The following CDH12 variants were observed in gnomAD, a reference collection of about 807,000 sequenced individuals.
The protein encoded by CDH12 is cadherin 12, also known as cadherin-12.
In CDH12, 41 loss-of-function variants were observed where a neutral mutation model predicts 74.1. The ratio of observed to expected loss-of-function variants is 0.55; its 90% CI spans 0.43 to 0.72. The LOEUF (loss-of-function observed/expected upper bound fraction) is 0.72, where lower values mean the gene tolerates loss of function less well. CDH12 is among the 30% of genes least tolerant of loss of function. The probability of loss-of-function intolerance (pLI) is 0.00; values close to 1 mark genes in which losing one functional copy is unlikely to be tolerated. For synonymous variants in CDH12, 399 were observed against 355.0 expected (o/e 1.12, Z -1.39); for missense variants, 945 against 977.2 (o/e 0.97, Z 0.44).
intron 1 of CDH12, among the ~76,000 whole-genome samples, chr5:22,740,815 A>C (rs1467160014): frequency 6.6e-6 from 1 of 152,188 alleles, no homozygotes; most frequent in Non-Finnish European, 1.5e-5. Flanking sequence ...AGCTAAGATT[A>C]CCTATAGAAC....
chr5:22,704,157 T>C (rs1742861417), intron 1 of CDH12, among the ~76,000 whole-genome samples: 1 of 152,172 alleles, frequency 6.6e-6, no homozygotes, highest in African/African-American at 2.4e-5. Context: ...TGTAAAAGTT[T>C]TGCAGCTGAG....
intron 14 of CDH12, among the ~76,000 whole-genome samples, chr5:21,753,721 T>C (rs1213741535): frequency 6.6e-6 from 1 of 152,152 alleles, no homozygotes; most frequent in East Asian, 1.9e-4. Flanking sequence ...AAATTCACCA[T>C]GCCTAGAATA....
chr5:22,080,416 A>G (rs1742644167), intron 4 of CDH12, among the ~76,000 whole-genome samples: 1 of 152,210 alleles, frequency 6.6e-6, no homozygotes, highest in Admixed American at 6.5e-5. Context: ...ACCTAAAAAA[A>G]ATAAAATAAA....
intron 1 of CDH12, among the ~76,000 whole-genome samples, chr5:22,812,813 G>A (rs1415288111): frequency 6.6e-6 from 1 of 152,128 alleles, no homozygotes; most frequent in Non-Finnish European, 1.5e-5. Context: ...AGAGAGTGTA[G>A]TAGAAGGTGA....
intron 3 of CDH12, among the ~76,000 whole-genome samples, chr5:22,346,671 T>A (rs2150460403): frequency 6.6e-6 from 1 of 152,326 alleles, no homozygotes; most frequent in African/African-American, 2.4e-5. Context: ...AACACGGTAC[T>A]CACTCCAGAG....
intron 1 of CDH12, among the ~76,000 whole-genome samples, chr5:22,754,659 G>A (rs1745794551): frequency 6.6e-6 from 1 of 151,902 alleles, no homozygotes; most frequent in African/African-American, 2.4e-5. Context: ...AGACATAACG[G>A]CACAAAACGA....
In CDH12 at chr5:21,921,921, C is replaced by T. The variant is rs549888498; in HGVS notation, c.526+53170G>A. Among the ~76,000 whole-genome samples, 8 of 152,310 alleles carry T rather than the reference C, an allele frequency of 5.3e-5. No individual in the cohort carries two copies. In the South Asian group the frequency reaches 1.2e-3, roughly 24 times the overall value. ...ATTTCTTTGCATTGCCTCAAACTGG[C>T]TAACTCACTGTCAAAGCTTCAAATT... On this transcript the variant is annotated intron_variant, in intron 6 of 14. Transcript: ENST00000382254.
intron 3 of CDH12, among the ~76,000 whole-genome samples, chr5:22,375,701 A>G (rs1171754103): frequency 6.6e-6 from 1 of 152,140 alleles, no homozygotes; most frequent in Non-Finnish European, 1.5e-5. Context: ...ATGGTTCGAC[A>G]TCATTAATAA....
At chr5:22,514,528 T>A (rs2126676737) in intron 1 of CDH12, among the ~76,000 whole-genome samples, 2 of 152,056 alleles carry the variant, frequency 1.3e-5, no homozygotes, top group South Asian at 4.2e-4. Flanking sequence ...AAAAAAAGTA[T>A]CTCCTAAATT....
chr5:22,548,064 G>T (rs973935625), intron 1 of CDH12, among the ~76,000 whole-genome samples: 1 of 152,128 alleles, frequency 6.6e-6, no homozygotes, highest in African/African-American at 2.4e-5. Flanking sequence ...TTTAATAAAT[G>T]TCATGACACC....
chr5:22,735,719 A>C (rs1744673915), intron 1 of CDH12, among the ~76,000 whole-genome samples: 1 of 151,892 alleles, frequency 6.6e-6, no homozygotes, highest in Non-Finnish European at 1.5e-5. Context: ...AATAGGGTAA[A>C]GTTAAGTGAT....
intron 9 of CDH12, among the ~76,000 whole-genome samples, chr5:21,816,624 CAAAAAAAAAA>C (rs542222336): frequency 9.6e-3 from 173 of 17,944 alleles, no homozygotes; most frequent in Middle Eastern, 0.1. Context: ...AACTCCATCT[CAAAAAAAAAA>C]AAAAAAAAAA....
chr5:22,373,137 C>T (rs1741369337), intron 3 of CDH12, among the ~76,000 whole-genome samples: 1 of 152,170 alleles, frequency 6.6e-6, no homozygotes, highest in South Asian at 2.1e-4. Flanking sequence ...TCCCATTCCC[C>T]CAGGATTTGA....
At chr5:22,316,689 G>A (rs933660496) in intron 3 of CDH12, among the ~76,000 whole-genome samples, 5 of 151,920 alleles carry the variant, frequency 3.3e-5, no homozygotes, top group Non-Finnish European at 7.4e-5. Flanking sequence ...ATTGTTTAAT[G>A]TTTATGTTGT....
At chr5:22,238,978 T>C (rs1234412436) in intron 3 of CDH12, among the ~76,000 whole-genome samples, 1 of 152,186 alleles carries the variant, frequency 6.6e-6, no homozygotes, top group Non-Finnish European at 1.5e-5. Flanking sequence ...CACATTTTTC[T>C]CCTGGGATCT....
chr5:22,410,010 T>C (rs1743110742), intron 2 of CDH12, among the ~76,000 whole-genome samples: 1 of 152,116 alleles, frequency 6.6e-6, no homozygotes, highest in South Asian at 2.1e-4. Context: ...TATTTTTTAT[T>C]ACAATTTTTC....
chr5:22,262,666 T>C (rs1011723653), intron 3 of CDH12, among the ~76,000 whole-genome samples: 4 of 151,286 alleles, frequency 2.6e-5, no homozygotes, highest in Non-Finnish European at 4.4e-5. Flanking sequence ...GTATTTCTAG[T>C]TCTAGATCCC....
At chr5:22,144,481 CTT>C (rs1259661834) in intron 4 of CDH12, among the ~76,000 whole-genome samples, 2 of 152,094 alleles carry the variant, frequency 1.3e-5, no homozygotes, top group Admixed American at 1.3e-4. Flanking sequence ...GATTTGAACT[CTT>C]TTGATTATTT....
At chr5:22,036,705 A>T (rs1173343331) in intron 5 of CDH12, among the ~76,000 whole-genome samples, 3 of 152,216 alleles carry the variant, frequency 2.0e-5, no homozygotes, top group African/African-American at 7.2e-5. Context: ...AGAAAATATT[A>T]CTAGCTTTTA....
Sources: allele counts gnomAD v4.1 joint callset (sites outside exome capture counted in the v4.1 genomes callset), GRCh38; gene constraint gnomAD v4.1.1; transcripts MANE v1.5; gene names NCBI Gene and HGNC (gene_info 2026-07-23, HGNC 2026-07-21).